PCDHGA9: variants seen among roughly 807,000 people sequenced by gnomAD.
PCDHGA9 encodes the protein protocadherin gamma-A9.
In PCDHGA9, 37 loss-of-function variants were observed where a neutral mutation model predicts 62.5. The observed-to-expected ratio is 0.59, with a 90% CI of 0.46 to 0.78. The LOEUF (loss-of-function observed/expected upper bound fraction) is 0.78. PCDHGA9 is among the 30% of genes least tolerant of loss of function. The pLI, the probability that PCDHGA9 is intolerant of heterozygous loss-of-function variation, is 0.00. For missense variants in PCDHGA9, 1,138 were observed against 1,166.2 expected (o/e 0.98, Z 0.35); for synonymous variants, 459 against 484.6 (o/e 0.95, Z 0.69).
rs138641753 is a variant in PCDHGA9, at chr5:141,430,814, C to T, written c.2424+25438C>T. On this transcript the variant is annotated intron_variant, in intron 1 of 3. Transcript: ENST00000573521. ...CAAAGGGCTTGTCCTGCTGGGAATC[C>T]TCCTGGGGACTCTGTGGGAGACCGG... is the stretch of plus-strand genomic sequence containing the variant. 97 of 1,534,514 alleles carry T rather than the reference C, an allele frequency of 6.3e-5. No homozygotes were observed. The African/African-American group carries it at 1.1e-3, about 17-fold the overall frequency.
intron 1 of PCDHGA9, among the ~76,000 whole-genome samples, chr5:141,482,188 G>C (rs1178289472): frequency 2.6e-5 from 4 of 152,122 alleles, no homozygotes; most frequent in African/African-American, 9.7e-5. Context: ...CGATGCTCCA[G>C]TTCTAGTAAA....
chr5:141,506,832 C>T (rs1398190563), intron 3 of PCDHGA9, among the ~76,000 whole-genome samples: 1 of 152,130 alleles, frequency 6.6e-6, no homozygotes, highest in African/African-American at 2.4e-5. Flanking sequence ...GAACTGATAG[C>T]CCTGCCCTCC....
intron 1 of PCDHGA9, among the ~76,000 whole-genome samples, chr5:141,448,809 A>G (rs998129053): frequency 9.2e-5 from 14 of 151,812 alleles, no homozygotes; most frequent in Non-Finnish European, 1.8e-4. Flanking sequence ...GCCAGGCGTG[A>G]TGGCGGGCGC....
At chr5:141,427,602 A>G (rs1415454468) in intron 1 of PCDHGA9, 1 of 685,668 alleles carries the variant, frequency 1.5e-6, no homozygotes, top group Non-Finnish European at 2.7e-6. Flanking sequence ...CACCCTACGC[A>G]TTGGTGAAGT....
At chr5:141,433,391 CTA>C (rs1477426085) in intron 1 of PCDHGA9, among the ~76,000 whole-genome samples, 3 of 151,570 alleles carry the variant, frequency 2.0e-5, no homozygotes, top group African/African-American at 7.3e-5. Context: ...ATCTATCTAT[CTA>C]TCTATCTATC....
chr5:141,403,753 C>T lies in PCDHGA9; in HGVS notation c.801C>T (p.Ser267=), dbSNP rs767515334. 1.5e-5 allele frequency: 25 copies of T among 1,613,504 alleles called. No homozygotes were observed. In the South Asian group the frequency reaches 2.6e-4, roughly 17 times the overall value. The change falls in exon 1 of 4, where the codon AGC becomes AGT. Residue 267 remains serine (S), a synonymous_variant. Transcript: ENST00000573521. ...CCTGGCTGCTTACTGCAACAGCCAG[C>T]GACCTGGATGAGGGAATCAACGGAA... The part of the protein sequence containing the change: ...PGTWLLTATA[S]DLDEGINGKV...
chr5:141,409,082 T>C (rs1332697516), intron 1 of PCDHGA9: 6 of 1,613,878 alleles, frequency 3.7e-6, no homozygotes, highest in African/African-American at 1.3e-5. Context: ...TATGTTCTCA[T>C]TGGATGAGAA....
chr5:141,414,184 G>C (rs1228749194), intron 1 of PCDHGA9: 3 of 1,609,416 alleles, frequency 1.9e-6, no homozygotes, highest in Non-Finnish European at 2.5e-6. Flanking sequence ...AACTGCAAAA[G>C]TGTTGATTAC....
In PCDHGA9 at chr5:141,404,244, C is replaced by A. The variant is rs1164182551; in HGVS notation, c.1292C>A (p.Pro431His). 1.2e-6 allele frequency: 2 copies of A among 1,613,758 alleles called. No individual in the cohort carries two copies. Among genetic ancestry groups the A allele is most frequent in the East Asian group, 2.2e-5 (1 of 44,888 alleles). Residue 431 changes from proline to histidine, a missense_variant, in exon 1 of 4, where the codon CCC becomes CAC. By Grantham distance (77) the Pro-to-His change is moderately conservative. Transcript: ENST00000573521. Reference sequence around the variant, plus strand: ...ACTGCAACAGACAGAGGAACTCCGCCCCTGTCCACAGAAATTCACATCACC... The same window carrying A: ...ACTGCAACAGACAGAGGAACTCCGCACCTGTCCACAGAAATTCACATCACC... ...TVTATDRGTP[P>H]LSTEIHITLQ... is the part of the protein sequence containing the mutation.
chr5:141,497,832 G>C (rs1326640712), intron 2 of PCDHGA9, among the ~76,000 whole-genome samples: 1 of 151,992 alleles, frequency 6.6e-6, no homozygotes, highest in East Asian at 1.9e-4. Context: ...GATCGCCCCC[G>C]GCCACAACAA....
intron 1 of PCDHGA9, among the ~76,000 whole-genome samples, chr5:141,469,739 A>G (rs1352751978): frequency 1.3e-5 from 2 of 152,262 alleles, no homozygotes; most frequent in African/African-American, 4.8e-5. Flanking sequence ...TACACACCTC[A>G]AAAATTACAA....
intron 2 of PCDHGA9, among the ~76,000 whole-genome samples, chr5:141,502,478 A>G (rs2099814452): frequency 6.6e-6 from 1 of 150,896 alleles, no homozygotes; most frequent in Non-Finnish European, 1.5e-5. Flanking sequence ...CCGCAGCATC[A>G]CACTGGGACT....
Position 141,491,992 on chromosome 5 carries a change from T to G in PCDHGA9, c.2425-2815T>G. ...GGCCTCCTTCGAGCTTCCGGTGAAT[T>G]TCGGGCGATTTCCGCGGGTGTCGGG... On this transcript the variant is annotated intron_variant, in intron 1 of 3. Transcript: ENST00000573521. This position sits in a 1 kb window ranked among gnomAD's most constrained non-coding sequence, Gnocchi z 6.9. The G allele has an allele frequency of 1.5e-6, 1 of 684,982 alleles. No homozygotes were observed. The highest frequency in any genetic ancestry group is 2.3e-6 in the Non-Finnish European group (1 of 443,370). The allele number at this position is 684,982 out of a possible 1,614,324, so 42.4% of individuals were successfully genotyped here.
Position 141,493,034 on chromosome 5 carries a change from G to A in PCDHGA9, c.2425-1773G>A, listed in dbSNP as rs75211372. 6.6e-6 allele frequency among the ~76,000 whole-genome samples: 1 copy of A among 152,230 alleles called. No homozygotes were observed. Among genetic ancestry groups the A allele is most frequent in the African/African-American group, 2.4e-5 (1 of 41,458 alleles). On this transcript the variant is annotated intron_variant, in intron 1 of 3. Transcript: ENST00000573521. This position sits in a 1 kb window ranked among gnomAD's most constrained non-coding sequence, Gnocchi z 4.3. ...GCCAGATGCCAGGGTGCCCTTATGTGTGAGGAAACTACAATAGTAAAAAAC... is the reference window on the plus strand; with the variant it reads ...GCCAGATGCCAGGGTGCCCTTATGTATGAGGAAACTACAATAGTAAAAAAC...
Position 141,427,970 on chromosome 5 carries a change from C to A in PCDHGA9, c.2424+22594C>A, listed in dbSNP as rs760792774. On this transcript the variant is annotated intron_variant, in intron 1 of 3. Coordinates refer to ENST00000573521, the MANE Select transcript of PCDHGA9 (RefSeq NM_018921.3). ...ATGACAATGTGCCGCGGGTGCTGTA[C>A]CCCGCGCTGGGGCCCGATGGCTCCG... 1.9e-6 allele frequency: 3 copies of A among 1,592,510 alleles called. No individual in the cohort carries two copies. The Admixed American group carries it at 5.0e-5, about 27-fold the overall frequency.
chr5:141,410,629 C>A (rs1393614526), intron 1 of PCDHGA9: 1 of 1,601,482 alleles, frequency 6.2e-7, no homozygotes, highest in East Asian at 2.2e-5. Context: ...CGGTGAGTTT[C>A]TCTTTTTTGT....
At chr5:141,496,662 T>A (rs557106775) in intron 2 of PCDHGA9, among the ~76,000 whole-genome samples, 1 of 152,344 alleles carries the variant, frequency 6.6e-6, no homozygotes, top group African/African-American at 2.4e-5. Flanking sequence ...TGACCCCAGC[T>A]GTTGTCCTTC....
At position 141,404,372 on chromosome 5, in the gene PCDHGA9, G is replaced by A. The variant is rs747130914; in HGVS notation, c.1420G>A (p.Val474Met). The A allele has an allele frequency of 4.3e-6, 7 of 1,613,844 alleles. No individual in the cohort carries two copies. The highest frequency in any genetic ancestry group is 1.1e-5 in the South Asian group (1 of 91,072). ...CGCCAGAGGTACTTCCATCTTCTCC[G>A]TGATTGCCTATGACCCTGATAGCAA... Reference protein sequence around the residue: ...NNARGTSIFSVIAYDPDSNEN... With the variant: ...NNARGTSIFSMIAYDPDSNEN... Residue 474 changes from valine to methionine, a missense_variant, in exon 1 of 4, where the codon GTG becomes ATG. Transcript: ENST00000573521.
chr5:141,476,697 C>T lies in PCDHGA9; in HGVS notation c.2425-18110C>T, dbSNP rs758302668. The T allele has an allele frequency of 2.5e-6, 4 of 1,614,110 alleles. No individual in the cohort carries two copies. The highest frequency in any genetic ancestry group is 2.2e-5 in the South Asian group (2 of 91,088). The stretch of plus-strand genomic sequence containing the variant: ...ACGCGGGAGGACAGCACCAAGTACG[C>T]GGAGCTGGTGTTGGAGCGCGCCCTG... On this transcript the variant is annotated intron_variant, in intron 1 of 3. Coordinates refer to ENST00000573521, the MANE Select transcript of PCDHGA9 (RefSeq NM_018921.3). The surrounding 1 kb of genome is among the most constrained non-coding windows in gnomAD (Gnocchi z 7.6).
Sources: gnomAD v4.1 joint callset for allele counts (sites outside exome capture counted in the v4.1 genomes callset) on GRCh38, gnomAD v4.1.1 for gene constraint, Gnocchi (gnomAD v3.1) non-coding constraint, MANE v1.5 for transcripts, NCBI Gene and HGNC (gene_info 2026-07-23, HGNC 2026-07-21) for gene names.